The following APBA1 variants were observed in gnomAD, a reference collection of about 807,000 sequenced individuals.
APBA1 encodes the protein amyloid-beta A4 precursor protein-binding family A member 1.
In APBA1, 55 loss-of-function variants were observed where a neutral mutation model predicts 86.6. The ratio of observed to expected loss-of-function variants is 0.64; its 90% CI spans 0.51 to 0.80. APBA1 has a LOEUF of 0.80. APBA1 is among the 30% of genes least tolerant of loss of function. The pLI, the probability that APBA1 is intolerant of heterozygous loss-of-function variation, is 0.00. For synonymous variants in APBA1, 511 were observed against 493.9 expected, an observed-to-expected ratio of 1.03 and a Z score of -0.46; for missense variants, 1,090 against 1,183.0, an observed-to-expected ratio of 0.92 and a Z score of 1.15.
chr9:69,663,255 G>A (rs910995799), intron 1 of APBA1, among the ~76,000 whole-genome samples: 1 of 152,186 alleles, frequency 6.6e-6, no homozygotes, highest in African/African-American at 2.4e-5. Flanking sequence ...AGTGATGTAT[G>A]TGTGTGTGTA....
chr9:69,440,962 TTG>T lies in APBA1; in HGVS notation c.2301+32_2301+33del, dbSNP rs762397959. ...CATGCTACATTTTTATTTGTCAACA[TTG>T]TGGAAAAGGGTGTGGAAGGTGTTCT... is the stretch of plus-strand genomic sequence containing the variant. On this transcript the variant is annotated intron_variant, in intron 11 of 12. Coordinates refer to ENST00000265381, the MANE Select transcript of APBA1 (RefSeq NM_001163.4). The T allele has an allele frequency of 3.8e-5, 61 of 1,601,652 alleles. 3 individuals are homozygous for T. In the South Asian group the frequency reaches 6.6e-4, roughly 17 times the overall value.
chr9:69,649,628 A>G (rs2134014815), intron 1 of APBA1, among the ~76,000 whole-genome samples: 1 of 152,238 alleles, frequency 6.6e-6, no homozygotes, highest in East Asian at 1.9e-4. Context: ...CTCTGCTCCC[A>G]TCCACCCCCG....
chr9:69,666,292 C>A (rs1208094941), intron 1 of APBA1, among the ~76,000 whole-genome samples: 1 of 152,094 alleles, frequency 6.6e-6, no homozygotes, highest in East Asian at 1.9e-4. Flanking sequence ...GCCTAGAAGA[C>A]CCTTCCCCCA....
At chr9:69,635,251 T>C (rs896984344) in intron 1 of APBA1, among the ~76,000 whole-genome samples, 1 of 152,148 alleles carries the variant, frequency 6.6e-6, no homozygotes, top group African/African-American at 2.4e-5. Context: ...GTTATTACTT[T>C]TCTCTTTACT....
At chr9:69,608,858 G>A (rs1331986547) in intron 1 of APBA1, among the ~76,000 whole-genome samples, 1 of 152,084 alleles carries the variant, frequency 6.6e-6, no homozygotes, top group Non-Finnish European at 1.5e-5. Context: ...AGTAGGTGTG[G>A]CTTTTTTCCA....
At chr9:69,435,609 G>T (rs1834695453) in intron 11 of APBA1, among the ~76,000 whole-genome samples, 2 of 152,162 alleles carry the variant, frequency 1.3e-5, no homozygotes, top group East Asian at 1.9e-4. Context: ...AGAAGTGTTT[G>T]TTCATATCCT....
chr9:69,604,265 C>G (rs1413835703), intron 1 of APBA1, among the ~76,000 whole-genome samples: 1 of 107,784 alleles, frequency 9.3e-6, no homozygotes, highest in Non-Finnish European at 1.8e-5. Flanking sequence ...GAGAGGCACA[C>G]GGGTGTGGGC....
At chr9:69,592,480 T>C (rs1564086295) in intron 1 of APBA1, among the ~76,000 whole-genome samples, 1 of 152,142 alleles carries the variant, frequency 6.6e-6, no homozygotes, top group Non-Finnish European at 1.5e-5. Context: ...CCTGTATTCC[T>C]AGCAACTTGG....
At chr9:69,535,572 T>A (rs1836495589) in intron 1 of APBA1, among the ~76,000 whole-genome samples, 1 of 152,186 alleles carries the variant, frequency 6.6e-6, no homozygotes, top group Non-Finnish European at 1.5e-5. Context: ...TCTGTGATCG[T>A]TGCCTCCCTC....
chr9:69,670,063 A>G (rs558282987), intron 1 of APBA1, among the ~76,000 whole-genome samples: 14 of 152,340 alleles, frequency 9.2e-5, no homozygotes, highest in African/African-American at 2.9e-4. Context: ...GTAAAGAACT[A>G]AGATTCAAAA....
intron 1 of APBA1, among the ~76,000 whole-genome samples, chr9:69,636,860 G>GGAGGGAGGGAGGGAGA (rs1823178122): frequency 1.7e-5 from 1 of 57,146 alleles, no homozygotes; most frequent in Non-Finnish European, 3.8e-5. Flanking sequence ...AGGGAGGGAG[G>GGAGGGAGGGAGGGAGA]GAGGGAGAGA....
chr9:69,625,236 C>A (rs1052970885), intron 1 of APBA1, among the ~76,000 whole-genome samples: 4 of 152,152 alleles, frequency 2.6e-5, no homozygotes, highest in African/African-American at 9.7e-5. Context: ...TCCTTTTTGA[C>A]AATGGGATCT....
At chr9:69,655,320 G>GTA (rs532240263) in intron 1 of APBA1, among the ~76,000 whole-genome samples, 79 of 149,838 alleles carry the variant, frequency 5.3e-4, no homozygotes, top group African/African-American at 6.8e-4. Flanking sequence ...ATGTATGTGT[G>GTA]TATATATATA....
Position 69,445,247 on chromosome 9 carries a change from A to T in APBA1, c.2182-4132T>A, listed in dbSNP as rs150936631. Among the ~76,000 whole-genome samples the T allele has an allele frequency of 3.8e-3, 576 of 152,326 alleles. 7 individuals are homozygous for T. Among genetic ancestry groups the T allele is most frequent in the African/African-American group, 0.013 (541 of 41,566 alleles). On this transcript the variant is annotated intron_variant, in intron 10 of 12. Coordinates refer to ENST00000265381, the MANE Select transcript of APBA1 (RefSeq NM_001163.4). ...GGGATGCCTGATCTGTCCCTCAGTGAAAAATTTTCTAGATTGGGGAAAATG... is the reference window on the plus strand; with the variant it reads ...GGGATGCCTGATCTGTCCCTCAGTGTAAAATTTTCTAGATTGGGGAAAATG...
chr9:69,670,175 C>T (rs1823920200), intron 1 of APBA1, among the ~76,000 whole-genome samples: 1 of 152,020 alleles, frequency 6.6e-6, no homozygotes, highest in Non-Finnish European at 1.5e-5. Context: ...GGGAAATTTA[C>T]TTTACATAGA....
intron 2 of APBA1, among the ~76,000 whole-genome samples, chr9:69,485,286 T>C (rs1212784612): frequency 6.6e-6 from 1 of 152,076 alleles, no homozygotes; most frequent in Non-Finnish European, 1.5e-5. Flanking sequence ...GACAAACAGC[T>C]TCAAAACAGA....
In APBA1 at chr9:69,431,190, G is replaced by C; in HGVS notation, c.*137C>G. On this transcript the variant is annotated 3_prime_UTR_variant, in exon 13 of 13. Transcript: ENST00000265381. ...AATCGGAGAGAGTAAAGAGGTCCTT[G>C]TGGATTCTTCTCTTCCTGTGTAAAA... 2.0e-6 allele frequency: 1 copy of C among 488,188 alleles called. No individual in the cohort carries two copies. Among genetic ancestry groups the C allele is most frequent in the Non-Finnish European group, 3.7e-6 (1 of 271,118 alleles). The allele number at this position is 488,188 out of a possible 1,614,324, so 30.2% of individuals were successfully genotyped here.
At chr9:69,539,427 A>T (rs958227708) in intron 1 of APBA1, among the ~76,000 whole-genome samples, 1 of 152,146 alleles carries the variant, frequency 6.6e-6, no homozygotes, top group African/African-American at 2.4e-5. Flanking sequence ...TTCATACCCT[A>T]TATCAAGTCT....
chr9:69,635,675 C>CA (rs1472900883), intron 1 of APBA1, among the ~76,000 whole-genome samples: 4 of 150,890 alleles, frequency 2.7e-5, no homozygotes, highest in Non-Finnish European at 4.4e-5. Flanking sequence ...AAATGGAAAC[C>CA]AAAAAAAAGC....
Sources: allele counts gnomAD v4.1 joint callset (sites outside exome capture counted in the v4.1 genomes callset), GRCh38; gene constraint gnomAD v4.1.1; transcripts MANE v1.5; gene names NCBI Gene and HGNC (gene_info 2026-07-23, HGNC 2026-07-21).